The following LRFN5 variants were observed in gnomAD, a reference collection of about 807,000 sequenced individuals.
LRFN5 encodes the protein leucine-rich repeat and fibronectin type-III domain-containing protein 5.
Under a neutral mutation model 45.6 loss-of-function variants are expected in LRFN5, and 24 were observed. The ratio of observed to expected loss-of-function variants is 0.53; its 90% CI spans 0.38 to 0.74. The LOEUF is 0.74. Ranked by LOEUF, LRFN5 falls within the 30% of genes least tolerant of loss-of-function variation. The pLI is 0.00. For synonymous variants in LRFN5, 340 were observed against 313.8 expected (o/e 1.08, Z -0.88); for missense variants, 776 against 861.5 (o/e 0.90, Z 1.24).
At chr14:41,823,330 C>T (rs992666451) in intron 2 of LRFN5, among the ~76,000 whole-genome samples, 7 of 151,846 alleles carry the variant, frequency 4.6e-5, no homozygotes, top group African/African-American at 1.2e-4. Context: ...GCTGATCTAG[C>T]GGTGATGAAT....
chr14:41,782,417 A>G (rs1277549113), intron 2 of LRFN5, among the ~76,000 whole-genome samples: 2 of 152,034 alleles, frequency 1.3e-5, no homozygotes, highest in Admixed American at 6.6e-5. Context: ...CTCTGCTTAC[A>G]TTGTCATCTG....
At position 41,749,113 on chromosome 14, in the gene LRFN5, C is replaced by T. The variant is rs76391966; in HGVS notation, c.-196-17741C>T. Among the ~76,000 whole-genome samples the T allele has an allele frequency of 9.0e-3, 1,373 of 152,154 alleles. 17 individuals are homozygous for T. Among genetic ancestry groups the T allele is most frequent in the African/African-American group, 0.031 (1,299 of 41,528 alleles). On this transcript the variant is annotated intron_variant, in intron 1 of 5. Transcript: ENST00000298119. Reference sequence around the variant, plus strand: ...CACTCCCAAAATAATGTAATTTAACCATTTACGAGGACAGAGCCTTCATTA... The same window carrying T: ...CACTCCCAAAATAATGTAATTTAACTATTTACGAGGACAGAGCCTTCATTA...
intron 2 of LRFN5, among the ~76,000 whole-genome samples, chr14:41,785,036 T>A (rs1886668658): frequency 6.6e-6 from 1 of 152,170 alleles, no homozygotes; most frequent in South Asian, 2.1e-4. Flanking sequence ...AAATACTCAT[T>A]CTTCTGAAAT....
chr14:41,797,766 T>A (rs1463413011), intron 2 of LRFN5, among the ~76,000 whole-genome samples: 3 of 151,826 alleles, frequency 2.0e-5, no homozygotes, highest in Non-Finnish European at 4.4e-5. Context: ...AACATCCCAG[T>A]GATATTCATT....
chr14:41,887,854 G>A lies in LRFN5; in HGVS notation c.1229G>A (p.Ser410Asn). 6.2e-7 allele frequency: 1 copy of A among 1,614,122 alleles called. No individual in the cohort carries two copies. The highest frequency in any genetic ancestry group is 8.5e-7 in the Non-Finnish European group (1 of 1,180,016). ...STKSGSNTSS[S>N]NGDTKLSQDK... ...AAGTCAGGTTCTAATACAAGCAGTA[G>A]TAATGGTGATACTAAATTGAGTCAA... is the stretch of plus-strand genomic sequence containing the variant. Residue 410 changes from serine to asparagine, a missense_variant, in exon 3 of 6, where the codon AGT becomes AAT. Physicochemically the swap from Ser to Asn is conservative, Grantham distance 46 (BLOSUM62 1). Transcript: ENST00000298119. This position sits in a 1 kb window ranked among gnomAD's most constrained non-coding sequence, Gnocchi z 4.8.
chr14:41,708,463 A>G (rs79783819), intron 1 of LRFN5, among the ~76,000 whole-genome samples: 2,027 of 152,170 alleles, frequency 0.013, 35 homozygotes, highest in African/African-American at 0.046. Flanking sequence ...TTAAAAAGCT[A>G]CTATTACCTT....
At chr14:41,764,168 T>G (rs1004063132) in intron 1 of LRFN5, among the ~76,000 whole-genome samples, 1 of 152,100 alleles carries the variant, frequency 6.6e-6, no homozygotes, top group African/African-American at 2.4e-5. Flanking sequence ...TCCTTATGGA[T>G]TTTTTTGAAA....
chr14:41,821,901 T>A (rs1350245244), intron 2 of LRFN5, among the ~76,000 whole-genome samples: 2 of 151,926 alleles, frequency 1.3e-5, no homozygotes, highest in Non-Finnish European at 2.9e-5. Flanking sequence ...GGTTGGATGT[T>A]TCCAGGAATT....
chr14:41,758,449 C>G (rs1405265090), intron 1 of LRFN5, among the ~76,000 whole-genome samples: 4 of 152,168 alleles, frequency 2.6e-5, no homozygotes. Flanking sequence ...ATCTAAGCCT[C>G]TTTACTTTGG....
chr14:41,624,985 G>A (rs1888276253), intron 1 of LRFN5, among the ~76,000 whole-genome samples: 1 of 151,268 alleles, frequency 6.6e-6, no homozygotes, highest in Non-Finnish European at 1.5e-5. Flanking sequence ...GCAATCAATT[G>A]CCAGTTTAAT....
At chr14:41,726,792 A>G (rs1883954920) in intron 1 of LRFN5, among the ~76,000 whole-genome samples, 2 of 152,228 alleles carry the variant, frequency 1.3e-5, no homozygotes, top group African/African-American at 4.8e-5. Flanking sequence ...AAAATGGGTA[A>G]TATTTTAATA....
intron 1 of LRFN5, among the ~76,000 whole-genome samples, chr14:41,718,906 C>T (rs1420778686): frequency 6.6e-6 from 1 of 152,152 alleles, no homozygotes; most frequent in African/African-American, 2.4e-5. Flanking sequence ...GCATTTGCCA[C>T]CTCTCTTGCA....
intron 2 of LRFN5, among the ~76,000 whole-genome samples, chr14:41,791,071 A>G (rs1176603544): frequency 2.0e-5 from 3 of 151,890 alleles, no homozygotes; most frequent in South Asian, 2.1e-4. Flanking sequence ...TTGCTATGCT[A>G]TTTGGTGATT....
chr14:41,741,744 C>A (rs190300410), intron 1 of LRFN5, among the ~76,000 whole-genome samples: 289 of 150,728 alleles, frequency 1.9e-3, no homozygotes, highest in African/African-American at 6.6e-3. Context: ...CAACAATTTA[C>A]ATAGTGGAGA....
chr14:41,781,630 GAA>G (rs1566437415), intron 2 of LRFN5, among the ~76,000 whole-genome samples: 1 of 133,608 alleles, frequency 7.5e-6, no homozygotes, highest in Non-Finnish European at 1.6e-5. Flanking sequence ...AAGAAAGAAA[GAA>G]AGGAAAGAAA....
At chr14:41,660,412 T>C (rs922380440) in intron 1 of LRFN5, among the ~76,000 whole-genome samples, 13 of 152,100 alleles carry the variant, frequency 8.5e-5, no homozygotes, top group Non-Finnish European at 4.4e-5. Flanking sequence ...TTGCAAACAG[T>C]AGTTATGCGA....
In LRFN5 at chr14:41,891,565, C is replaced by T. The variant is rs1890782151; in HGVS notation, c.1701C>T (p.Ser567=). The T allele has an allele frequency of 2.5e-6, 4 of 1,614,068 alleles. No homozygotes were observed. The African/African-American group carries it at 5.3e-5, about 22-fold the overall frequency. Residue 567 remains serine, a synonymous_variant, in exon 4 of 6, where the codon AGC becomes AGT. Coordinates refer to ENST00000298119, the MANE Select transcript of LRFN5 (RefSeq NM_152447.5). ...GGCAACACAAGGTCACCAAGGTTAG[C>T]AATGTTTATTCCCAAACTAACGGGG... ...NNGQHKVTKV[S]NVYSQTNGAQ...
chr14:41,678,209 TG>T (rs1881722751), intron 1 of LRFN5, among the ~76,000 whole-genome samples: 1 of 151,996 alleles, frequency 6.6e-6, no homozygotes, highest in Non-Finnish European at 1.5e-5. Context: ...CTTTTTATAA[TG>T]TTAAAAAGAT....
intron 1 of LRFN5, among the ~76,000 whole-genome samples, chr14:41,646,642 T>TTTTTTG (rs1226756843): frequency 6.6e-6 from 1 of 152,228 alleles, no homozygotes; most frequent in Non-Finnish European, 1.5e-5. Flanking sequence ...CATTTTACTT[T>TTTTTTG]TTTTTGTTTT....
Sources: gnomAD v4.1 joint callset for allele counts (sites outside exome capture counted in the v4.1 genomes callset) on GRCh38, gnomAD v4.1.1 for gene constraint, Gnocchi (gnomAD v3.1) non-coding constraint, MANE v1.5 for transcripts, NCBI Gene and HGNC (gene_info 2026-07-23, HGNC 2026-07-21) for gene names.